Variants in ATG4C observed in about 807,000 individuals in gnomAD.
ATG4C encodes cysteine protease ATG4C.
Under a neutral mutation model 57.6 loss-of-function variants are expected in ATG4C, and 56 were observed. That is an observed-to-expected ratio of 0.97 (90% CI 0.78 to 1.21). The LOEUF is 1.21. Among genes scored for constraint, ATG4C ranks in the 50% most tolerant of loss-of-function variants. The probability of loss-of-function intolerance (pLI) is 0.00; values close to 1 mark genes in which losing one functional copy is unlikely to be tolerated. For missense variants in ATG4C, 595 were observed against 529.8 expected (o/e 1.12, Z -1.21); for synonymous variants, 157 against 174.1 (o/e 0.90, Z 0.78).
At chr1:62,844,800 A>G (rs551937361) in intron 10 of ATG4C, among the ~76,000 whole-genome samples, 1 of 152,148 alleles carries the variant, frequency 6.6e-6, no homozygotes, top group African/African-American at 2.4e-5. Context: ...TCTTACATTT[A>G]TTAAATTTTT....
chr1:62,790,391 A>G (rs996917984), intron 1 of ATG4C, among the ~76,000 whole-genome samples: 1 of 152,156 alleles, frequency 6.6e-6, no homozygotes, highest in Non-Finnish European at 1.5e-5. Context: ...CCTACAACAC[A>G]CATAAAATAG....
intron 1 of ATG4C, among the ~76,000 whole-genome samples, chr1:62,787,023 A>G (rs1421936153): frequency 1.3e-5 from 2 of 152,178 alleles, no homozygotes; most frequent in East Asian, 3.8e-4. Context: ...GGAAGATATC[A>G]TGGGCTAATC....
intron 3 of ATG4C, among the ~76,000 whole-genome samples, chr1:62,812,886 A>G (rs1557968810): frequency 1.3e-5 from 2 of 152,206 alleles, no homozygotes; most frequent in African/African-American, 2.4e-5. Context: ...CACGAAGAGA[A>G]TAAAATACTT....
chr1:62,784,939 C>T (rs1306103120), intron 1 of ATG4C, among the ~76,000 whole-genome samples: 2 of 152,204 alleles, frequency 1.3e-5, no homozygotes, highest in Non-Finnish European at 2.9e-5. Flanking sequence ...AACTCAGCAT[C>T]ACTGCTTATT....
Position 62,858,296 on chromosome 1 carries a change from T to A in ATG4C, c.1210-5696T>A, listed in dbSNP as rs563056245. 2.6e-5 allele frequency among the ~76,000 whole-genome samples: 4 copies of A among 152,316 alleles called. No homozygotes were observed. In the East Asian group the frequency reaches 7.7e-4, roughly 29 times the overall value. ...TCAATTTAAGTTGATGTTGCAGTCATGCCTCCACTGACTACTGTTGGAGGT... is the reference window on the plus strand; with the variant it reads ...TCAATTTAAGTTGATGTTGCAGTCAAGCCTCCACTGACTACTGTTGGAGGT... On this transcript the variant is annotated intron_variant, in intron 10 of 10. Coordinates refer to ENST00000317868, the MANE Select transcript of ATG4C (RefSeq NM_032852.4).
intron 4 of ATG4C, among the ~76,000 whole-genome samples, chr1:62,818,248 A>G (rs1194496792): frequency 2.0e-5 from 3 of 152,162 alleles, no homozygotes; most frequent in Non-Finnish European, 4.4e-5. Flanking sequence ...TTCTGAAGAA[A>G]CGTACAGGAA....
At chr1:62,831,559 A>G (rs1309787864) in intron 7 of ATG4C, among the ~76,000 whole-genome samples, 3 of 152,070 alleles carry the variant, frequency 2.0e-5, no homozygotes, top group Non-Finnish European at 2.9e-5. Flanking sequence ...GTATGTATGT[A>G]TGTATTTTTA....
rs185567743 is a variant in ATG4C at position 62,799,332 on chromosome 1, A to G, written c.-68-4387A>G. On this transcript the variant is annotated intron_variant, in intron 1 of 10. Coordinates refer to ENST00000317868, the MANE Select transcript of ATG4C (RefSeq NM_032852.4). ...TGAATTATTTATTAAACTAGCAACA[A>G]CTCATCTTTAGTTTAACCTTACGAA... is the stretch of plus-strand genomic sequence containing the variant. 1.3e-3 allele frequency among the ~76,000 whole-genome samples: 198 copies of G among 152,288 alleles called. 1 individual carries two copies. The highest frequency in any genetic ancestry group is 9.0e-3 in the Admixed American group (137 of 15,294).
At chr1:62,825,873 T>C (rs765668786) in intron 6 of ATG4C, among the ~76,000 whole-genome samples, 9 of 152,288 alleles carry the variant, frequency 5.9e-5, no homozygotes, top group Non-Finnish European at 1.3e-4. Context: ...TTACATTTAA[T>C]AGTGAGTCCT....
intron 1 of ATG4C, among the ~76,000 whole-genome samples, chr1:62,786,314 T>C (rs556824798): frequency 4.5e-4 from 69 of 152,292 alleles, no homozygotes; most frequent in Admixed American, 2.1e-3. Flanking sequence ...AAGTCCCTGC[T>C]CTTAGGGAGC....
intron 10 of ATG4C, among the ~76,000 whole-genome samples, chr1:62,847,787 A>G (rs1416740101): frequency 6.6e-6 from 1 of 152,166 alleles, no homozygotes; most frequent in Admixed American, 6.5e-5. Flanking sequence ...GAAATGGTCA[A>G]CTGTGGAAAT....
intron 6 of ATG4C, among the ~76,000 whole-genome samples, chr1:62,823,018 G>A (rs1286049913): frequency 1.3e-5 from 2 of 152,068 alleles, no homozygotes; most frequent in African/African-American, 4.8e-5. Context: ...AGTTGAGCAT[G>A]GTGGTGACAT....
At chr1:62,840,119 A>G (rs539637374) in intron 9 of ATG4C, among the ~76,000 whole-genome samples, 98 of 152,286 alleles carry the variant, frequency 6.4e-4, no homozygotes, top group Middle Eastern at 6.8e-3. Context: ...ATGTAGGGAA[A>G]CTATAATTTT....
In ATG4C at chr1:62,829,108, G is replaced by C; in HGVS notation, c.865G>C (p.Val289Leu). The C allele has an allele frequency of 6.2e-7, 1 of 1,613,100 alleles. No homozygotes were observed. The highest frequency in any genetic ancestry group is 8.5e-7 in the Non-Finnish European group (1 of 1,179,350). ...MTSDNADDKA[V>L]IILVPVRLGG... ...TTCTGATAATGCAGATGACAAAGCT[G>C]TTATTATTCTAGTTCCTGTTAGACT... Residue 289 changes from valine (V) to leucine (L), a missense_variant, in exon 7 of 11, where the codon GTT (valine) becomes CTT (leucine). Val to Leu is a conservative substitution (Grantham distance 32, BLOSUM62 1). Transcript: ENST00000317868.
chr1:62,796,125 T>C (rs1664454773), intron 1 of ATG4C, among the ~76,000 whole-genome samples: 1 of 151,714 alleles, frequency 6.6e-6, no homozygotes, highest in Non-Finnish European at 1.5e-5. Flanking sequence ...AATTATTACT[T>C]TTCTTTATGC....
intron 10 of ATG4C, among the ~76,000 whole-genome samples, chr1:62,845,105 G>T (rs1666288835): frequency 6.6e-6 from 1 of 151,242 alleles, no homozygotes; most frequent in African/African-American, 2.4e-5. Context: ...CTTTAAGTAG[G>T]GTTACATTAG....
intron 3 of ATG4C, among the ~76,000 whole-genome samples, chr1:62,811,257 T>C (rs914854856): frequency 1.3e-5 from 2 of 152,232 alleles, no homozygotes; most frequent in Non-Finnish European, 1.5e-5. Context: ...ATTTAATTTC[T>C]AGTAATATTA....
intron 1 of ATG4C, among the ~76,000 whole-genome samples, chr1:62,786,926 T>C (rs1450954334): frequency 2.0e-5 from 3 of 152,122 alleles, no homozygotes; most frequent in African/African-American, 4.8e-5. Flanking sequence ...GATGGTATTT[T>C]GGACAAGGTG....
At chr1:62,788,113 A>G (rs1664149230) in intron 1 of ATG4C, among the ~76,000 whole-genome samples, 1 of 152,142 alleles carries the variant, frequency 6.6e-6, no homozygotes, top group African/African-American at 2.4e-5. Context: ...TTAGTTTGTG[A>G]TTACTTATTG....
Sources: gnomAD v4.1 joint callset for allele counts (sites outside exome capture counted in the v4.1 genomes callset) on GRCh38, gnomAD v4.1.1 for gene constraint, MANE v1.5 for transcripts, NCBI Gene and HGNC (gene_info 2026-07-23, HGNC 2026-07-21) for gene names.